The following SYNDIG1 variants were observed in gnomAD, a reference collection of about 807,000 sequenced individuals.
SYNDIG1 encodes synapse differentiation inducing 1.
In SYNDIG1, 9 loss-of-function variants were observed where a neutral mutation model predicts 19.4. That is an observed-to-expected ratio of 0.46 (90% CI 0.28 to 0.81). SYNDIG1 has a LOEUF of 0.81. Ranked by LOEUF, SYNDIG1 falls within the 30% of genes least tolerant of loss-of-function variation. The pLI is 0.12. For synonymous variants in SYNDIG1, 141 were observed against 145.9 expected (o/e 0.97, Z 0.24); for missense variants, 311 against 343.3 (o/e 0.91, Z 0.74).
chr20:24,554,260 A>G (rs1051883676), intron 2 of SYNDIG1, among the ~76,000 whole-genome samples: 1 of 152,170 alleles, frequency 6.6e-6, no homozygotes, highest in Admixed American at 6.5e-5. Flanking sequence ...AACAGGGACA[A>G]TTTGACTTCC....
At chr20:24,639,312 G>A (rs945805612) in intron 3 of SYNDIG1, among the ~76,000 whole-genome samples, 3 of 152,178 alleles carry the variant, frequency 2.0e-5, no homozygotes, top group Admixed American at 6.5e-5. Flanking sequence ...GCTACTGGGG[G>A]CTTCGTATGT....
At chr20:24,529,021 C>T (rs2057185327) in intron 1 of SYNDIG1, among the ~76,000 whole-genome samples, 1 of 152,136 alleles carries the variant, frequency 6.6e-6, no homozygotes. Context: ...TGAAGCCCCT[C>T]TGGCCCTCCT....
At chr20:24,527,973 A>G (rs905681494) in intron 1 of SYNDIG1, among the ~76,000 whole-genome samples, 1 of 152,212 alleles carries the variant, frequency 6.6e-6, no homozygotes, top group African/African-American at 2.4e-5. Flanking sequence ...TTGTCTTTCT[A>G]CAAGGCTATA....
intron 1 of SYNDIG1, among the ~76,000 whole-genome samples, chr20:24,513,971 A>C (rs993415494): frequency 1.3e-5 from 2 of 152,230 alleles, no homozygotes; most frequent in African/African-American, 4.8e-5. Flanking sequence ...GCCAATATTC[A>C]ACATTCTTTA....
intron 3 of SYNDIG1, among the ~76,000 whole-genome samples, chr20:24,611,947 G>A (rs1234095749): frequency 6.6e-6 from 1 of 152,220 alleles, no homozygotes; most frequent in African/African-American, 2.4e-5. Context: ...TCCTGTAATT[G>A]CATGTCTTAA....
chr20:24,514,141 G>C (rs1480066645), intron 1 of SYNDIG1, among the ~76,000 whole-genome samples: 1 of 152,118 alleles, frequency 6.6e-6, no homozygotes, highest in East Asian at 1.9e-4. Flanking sequence ...ATATGGAAAG[G>C]AACACCCGGT....
chr20:24,661,898 G>T (rs1049860570), intron 3 of SYNDIG1, among the ~76,000 whole-genome samples: 5 of 152,160 alleles, frequency 3.3e-5, no homozygotes, highest in Admixed American at 2.6e-4. Flanking sequence ...TGGGCAGGGT[G>T]GGGGGTTCCA....
At chr20:24,486,219 G>GGGTGT (rs2055951884) in intron 1 of SYNDIG1, among the ~76,000 whole-genome samples, 1 of 152,218 alleles carries the variant, frequency 6.6e-6, no homozygotes, top group African/African-American at 2.4e-5. Context: ...GTGTGAGGTT[G>GGGTGT]GGTGTGGTGT....
chr20:24,578,314 G>A (rs558599011), intron 2 of SYNDIG1, among the ~76,000 whole-genome samples: 103 of 152,106 alleles, frequency 6.8e-4, no homozygotes, highest in Admixed American at 5.7e-3. Flanking sequence ...ATGATGGCAC[G>A]TACCTGTAAT....
chr20:24,636,649 G>T (rs1952129358), intron 3 of SYNDIG1, among the ~76,000 whole-genome samples: 1 of 152,192 alleles, frequency 6.6e-6, no homozygotes, highest in South Asian at 2.1e-4. Context: ...AGATGATGGA[G>T]TGCCATGTTG....
intron 1 of SYNDIG1, among the ~76,000 whole-genome samples, chr20:24,520,693 CA>C (rs11475871): frequency 0.65 from 93,910 of 144,774 alleles, 29,908 homozygotes; most frequent in East Asian, 0.77. Flanking sequence ...AACTCTGTCT[CA>C]AAAAAAAAAA....
At chr20:24,573,504 G>A (rs1199160175) in intron 2 of SYNDIG1, among the ~76,000 whole-genome samples, 1 of 152,204 alleles carries the variant, frequency 6.6e-6, no homozygotes, top group Non-Finnish European at 1.5e-5. Flanking sequence ...TATCCACACT[G>A]TGAAAATAAA....
rs571928010 is a variant in SYNDIG1, at chr20:24,488,850, G to A, written c.-79+19097G>A. 3.7e-4 allele frequency among the ~76,000 whole-genome samples: 57 copies of A among 152,330 alleles called. No individual in the cohort carries two copies. The South Asian group carries it at 0.011, about 30-fold the overall frequency. On this transcript the variant is annotated intron_variant, in intron 1 of 3. Coordinates refer to ENST00000376862, the MANE Select transcript of SYNDIG1 (RefSeq NM_024893.3). ...TGATGTCTTTAATGCCAGGCCTGGT[G>A]CCAGAGCATCCCCGGGCGCTCGGAG...
chr20:24,585,141 C>T (rs2058395981), intron 3 of SYNDIG1, 148 bp downstream of exon 3: 12 of 1,118,026 alleles, frequency 1.1e-5, no homozygotes, highest in Non-Finnish European at 1.5e-5. Flanking sequence ...GGAGGATAGG[C>T]TGGGAGAAGT....
At chr20:24,585,056 G>GGGCCCC in intron 3 of SYNDIG1, 63 bp downstream of exon 3, 7 of 545,646 alleles carry the variant, frequency 1.3e-5, no homozygotes, top group Non-Finnish European at 2.1e-5. Flanking sequence ...GGTGGGGGCG[G>GGGCCCC]CAATCCCAGC....
chr20:24,643,138 T>A (rs6114812), intron 3 of SYNDIG1, among the ~76,000 whole-genome samples: 2 of 151,894 alleles, frequency 1.3e-5, no homozygotes, highest in South Asian at 2.1e-4. Flanking sequence ...TACTGGTGCC[T>A]CCAACTCTAA....
chr20:24,492,355 C>T (rs1040320878), intron 1 of SYNDIG1, among the ~76,000 whole-genome samples: 4 of 152,156 alleles, frequency 2.6e-5, no homozygotes, highest in Non-Finnish European at 4.4e-5. Flanking sequence ...GGCTCGGCCC[C>T]GCCGCCTCTG....
intron 1 of SYNDIG1, among the ~76,000 whole-genome samples, chr20:24,539,845 C>T: frequency 6.6e-6 from 1 of 152,154 alleles, no homozygotes; most frequent in Admixed American, 6.5e-5. Context: ...GTGGCACGAT[C>T]TCAGCTCACT....
At chr20:24,655,554 G>A (rs1239668177) in intron 3 of SYNDIG1, among the ~76,000 whole-genome samples, 2 of 152,204 alleles carry the variant, frequency 1.3e-5, no homozygotes, top group African/African-American at 4.8e-5. Flanking sequence ...TTCAAAATGT[G>A]CCTTTGGGAA....
Sources: gnomAD v4.1 joint callset for allele counts (sites outside exome capture counted in the v4.1 genomes callset) on GRCh38, gnomAD v4.1.1 for gene constraint, MANE v1.5 for transcripts, NCBI Gene and HGNC (gene_info 2026-07-23, HGNC 2026-07-21) for gene names.